RIMBP2: variants seen among roughly 807,000 people sequenced by gnomAD.
RIMBP2 encodes RIMS-binding protein 2.
In RIMBP2, 48 loss-of-function variants were observed where a neutral mutation model predicts 118.6. That is an observed-to-expected ratio of 0.40 (90% CI 0.32 to 0.51). The LOEUF (loss-of-function observed/expected upper bound fraction) is 0.51. RIMBP2 is among the 20% of genes least tolerant of loss of function. The pLI, the probability that RIMBP2 is intolerant of heterozygous loss-of-function variation, is 0.41. For missense variants in RIMBP2, 1,551 were observed against 1,768.3 expected (o/e 0.88, Z 2.20); for synonymous variants, 762 against 742.9 (o/e 1.03, Z -0.42).
At chr12:130,474,373 C>T (rs965118250) in intron 5 of RIMBP2, among the ~76,000 whole-genome samples, 2 of 152,222 alleles carry the variant, frequency 1.3e-5, no homozygotes, top group East Asian at 3.9e-4. Flanking sequence ...GACGGAACCT[C>T]GTCACATCTC....
At chr12:130,524,100 T>G (rs534834828) in intron 2 of RIMBP2, among the ~76,000 whole-genome samples, 8 of 152,084 alleles carry the variant, frequency 5.3e-5, no homozygotes, top group Non-Finnish European at 1.2e-4. Flanking sequence ...GCCGGGGTGG[T>G]GCTCCCAGCC....
Position 130,648,007 on chromosome 12 carries a change from G to C in RIMBP2, c.-351-19551C>G, listed in dbSNP as rs555078667. ...CGTTGGATAACACATGCACACACGT[G>C]TGCACACACATGTGAACACACGTGT... On this transcript the variant is annotated intron_variant, in intron 1 of 22. Transcript: ENST00000690449. Among the ~76,000 whole-genome samples the C allele has an allele frequency of 8.2e-5, 12 of 146,594 alleles. 1 individual carries two copies. The South Asian group carries it at 8.4e-4, about 10-fold the overall frequency.
rs181173734 is a variant in RIMBP2, at chr12:130,569,694, G to A, written c.-216-51777C>T. 9.2e-5 allele frequency among the ~76,000 whole-genome samples: 14 copies of A among 152,092 alleles called. No homozygotes were observed. The East Asian group carries it at 1.9e-3, about 21-fold the overall frequency. ...GTGCAGCCCCTCCCTCTTCTCTCTC[G>A]CTCCTGCACTCACTGTGCAAGACGC... On this transcript the variant is annotated intron_variant, in intron 2 of 22. Transcript: ENST00000690449.
At chr12:130,618,045 G>A (rs1379005161) in intron 2 of RIMBP2, among the ~76,000 whole-genome samples, 5 of 67,858 alleles carry the variant, frequency 7.4e-5, no homozygotes, top group Admixed American at 2.7e-4. Context: ...AGTAAAAAAG[G>A]GGAAAAAGAA....
At chr12:130,691,785 C>T (rs148157445) in intron 1 of RIMBP2, among the ~76,000 whole-genome samples, 2 of 152,342 alleles carry the variant, frequency 1.3e-5, no homozygotes, top group Non-Finnish European at 2.9e-5. Context: ...GGGGTGCCAG[C>T]ACCCCCAGTT....
intron 1 of RIMBP2, among the ~76,000 whole-genome samples, chr12:130,640,077 C>T (rs2062548152): frequency 6.6e-6 from 1 of 152,106 alleles, no homozygotes; most frequent in Non-Finnish European, 1.5e-5. Context: ...CATGCCTGTA[C>T]ACTCCGCCCC....
chr12:130,471,221 C>T (rs1426567892), intron 5 of RIMBP2, among the ~76,000 whole-genome samples: 1 of 152,242 alleles, frequency 6.6e-6, no homozygotes, highest in Non-Finnish European at 1.5e-5. Flanking sequence ...CTCTTCAAAG[C>T]ACTGGCGGCA....
intron 22 of RIMBP2, chr12:130,397,775 T>A (rs2074175779): frequency 2.9e-6 from 1 of 350,446 alleles, no homozygotes; most frequent in Admixed American, 4.7e-5. Context: ...CTCGAGGGAG[T>A]GCGGGGTGGC....
At chr12:130,496,273 T>C (rs1036447237) in intron 4 of RIMBP2, among the ~76,000 whole-genome samples, 1 of 152,204 alleles carries the variant, frequency 6.6e-6, no homozygotes, top group Non-Finnish European at 1.5e-5. Flanking sequence ...CCCCTTTCTC[T>C]TGATTCTCAT....
chr12:130,485,529 G>A (rs564513581), intron 4 of RIMBP2, among the ~76,000 whole-genome samples: 1 of 152,372 alleles, frequency 6.6e-6, no homozygotes, highest in Non-Finnish European at 1.5e-5. Context: ...ACCTGGCCTG[G>A]GTGGCCGATT....
rs551500034 is a variant in RIMBP2 at position 130,536,239 on chromosome 12, CCATAAA to C, written c.-216-18328_-216-18323del. On this transcript the variant is annotated intron_variant, in intron 2 of 22. Transcript: ENST00000690449. ...GCGGAGCTGGGGGACAGGTTCTTAC[CCATAAA>C]CATAAATATAATTTTGGGTTAACAG... is the stretch of plus-strand genomic sequence containing the variant. 3.3e-3 allele frequency among the ~76,000 whole-genome samples: 497 copies of C among 152,116 alleles called. 4 individuals carry two copies. Among genetic ancestry groups the C allele is most frequent in the African/African-American group, 0.011 (467 of 41,500 alleles).
intron 1 of RIMBP2, among the ~76,000 whole-genome samples, chr12:130,676,478 C>T (rs1378509778): frequency 3.3e-5 from 5 of 151,880 alleles, no homozygotes. Flanking sequence ...CAAAAATTAG[C>T]TGGGTGTGGT....
At chr12:130,708,815 G>A (rs949338496) in intron 1 of RIMBP2, among the ~76,000 whole-genome samples, 1 of 152,222 alleles carries the variant, frequency 6.6e-6, no homozygotes, top group African/African-American at 2.4e-5. Flanking sequence ...CCCTGGGACT[G>A]CATCTGACCC....
intron 2 of RIMBP2, among the ~76,000 whole-genome samples, chr12:130,570,652 GGA>G (rs1224668688): frequency 1.3e-5 from 2 of 152,120 alleles, no homozygotes; most frequent in African/African-American, 4.8e-5. Context: ...TCTGCACTGT[GGA>G]GGAGTCGTCT....
chr12:130,453,098 C>G lies in RIMBP2; in HGVS notation c.359-1758G>C, dbSNP rs543141794. Among the ~76,000 whole-genome samples the G allele has an allele frequency of 5.0e-4, 76 of 152,332 alleles. 1 individual carries two copies. The highest frequency in any genetic ancestry group is 7.5e-4 in the Non-Finnish European group (51 of 68,028). ...AAAATATAGGTCAAAAAAATGTTGA[C>G]TCAAAAAACCCAGCTCCCATACTGG... is the stretch of plus-strand genomic sequence containing the variant. On this transcript the variant is annotated intron_variant, in intron 7 of 22. Coordinates refer to ENST00000690449, the MANE Select transcript of RIMBP2 (RefSeq NM_001393629.1).
At position 130,550,721 on chromosome 12, in the gene RIMBP2, C is replaced by G. The variant is rs137984070; in HGVS notation, c.-216-32804G>C. ...CAATTCATCCATGATTTAACAGATACATTTGGTTTTCTTATTACACTTGAG... is the reference window on the plus strand; with the variant it reads ...CAATTCATCCATGATTTAACAGATAGATTTGGTTTTCTTATTACACTTGAG... On this transcript the variant is annotated intron_variant, in intron 2 of 22. Coordinates refer to ENST00000690449, the MANE Select transcript of RIMBP2 (RefSeq NM_001393629.1). Among the ~76,000 whole-genome samples, 211 of 152,342 alleles carry G rather than the reference C, an allele frequency of 1.4e-3. 1 individual carries two copies. The highest frequency in any genetic ancestry group is 4.8e-3 in the African/African-American group (200 of 41,584).
At position 130,581,596 on chromosome 12, in the gene RIMBP2, C is replaced by T. The variant is rs1413403121; in HGVS notation, c.-217+46726G>A. Among the ~76,000 whole-genome samples, 2 of 152,258 alleles carry T rather than the reference C, an allele frequency of 1.3e-5. No individual in the cohort carries two copies. The highest frequency in any genetic ancestry group is 2.9e-5 in the Non-Finnish European group (2 of 68,044). On this transcript the variant is annotated intron_variant, in intron 2 of 22. Coordinates refer to ENST00000690449, the MANE Select transcript of RIMBP2 (RefSeq NM_001393629.1). This position sits in a 1 kb window ranked among gnomAD's most constrained non-coding sequence, Gnocchi z 4.4. ...GTGGCAATTCCAGGCTCTCGCGGCT[C>T]AGGCCTCAGACCTGTCGCCTTCCTT...
intron 4 of RIMBP2, among the ~76,000 whole-genome samples, chr12:130,484,903 A>G (rs1429730116): frequency 6.6e-6 from 1 of 152,242 alleles, no homozygotes; most frequent in African/African-American, 2.4e-5. Context: ...CTTTTGGATT[A>G]ATTTTTCAAC....
intron 2 of RIMBP2, among the ~76,000 whole-genome samples, chr12:130,547,348 C>T (rs975937329): frequency 2.6e-5 from 4 of 152,216 alleles, no homozygotes; most frequent in African/African-American, 9.7e-5. Context: ...CTTTTGGGCA[C>T]AGTTGTGCGG....
Sources: allele counts gnomAD v4.1 joint callset (sites outside exome capture counted in the v4.1 genomes callset), GRCh38; gene constraint gnomAD v4.1.1; non-coding constraint Gnocchi (gnomAD v3.1); transcripts MANE v1.5; gene names NCBI Gene and HGNC (gene_info 2026-07-23, HGNC 2026-07-21).